ADCK1: variants seen among roughly 807,000 people sequenced by gnomAD.
ADCK1 encodes the protein aarF domain-containing protein kinase 1.
ADCK1 carries 41 observed loss-of-function variants against 52.3 expected under a neutral mutation model. The ratio of observed to expected loss-of-function variants is 0.78; its 90% CI spans 0.61 to 1.02. The LOEUF is 1.02. Ranked by LOEUF, ADCK1 falls within the 50% of genes least tolerant of loss-of-function variation. ADCK1 has a pLI of 0.00. For missense variants in ADCK1, 658 were observed against 679.5 expected (o/e 0.97, Z 0.35); for synonymous variants, 250 against 274.6 (o/e 0.91, Z 0.89).
intron 3 of ADCK1, among the ~76,000 whole-genome samples, chr14:77,856,865 G>A (rs1594948619): frequency 6.6e-6 from 1 of 152,262 alleles, no homozygotes; most frequent in East Asian, 1.9e-4. Flanking sequence ...TTATCCGGGT[G>A]TGGTGGTATG....
chr14:77,907,782 A>ACC (rs758565964), intron 6 of ADCK1, 21 bp from the exon 7 acceptor site: 13 of 1,592,700 alleles, frequency 8.2e-6, no homozygotes, highest in Non-Finnish European at 1.1e-5. Flanking sequence ...AGACCATCTG[A>ACC]CCTGTCCCTT....
At position 77,858,519 on chromosome 14, in the gene ADCK1, C is replaced by G. The variant is rs575865642; in HGVS notation, c.220-557C>G. 5.3e-5 allele frequency among the ~76,000 whole-genome samples: 8 copies of G among 152,208 alleles called. No homozygotes were observed. The South Asian group carries it at 1.0e-3, about 20-fold the overall frequency. On this transcript the variant is annotated intron_variant, in intron 3 of 10. Transcript: ENST00000238561. ...CCTCCCAAAGTGTTGGGATTACAAG[C>G]GTGAGCCACCGCGCCTGGCCTAGTG...
At chr14:77,871,449 C>T (rs991852339) in intron 4 of ADCK1, among the ~76,000 whole-genome samples, 1 of 152,128 alleles carries the variant, frequency 6.6e-6, no homozygotes, top group Admixed American at 6.5e-5. Flanking sequence ...CCTTTGCCTC[C>T]CGGGTTCAAG....
chr14:77,914,326 G>C, intron 7 of ADCK1: 2 of 788,774 alleles, frequency 2.5e-6, no homozygotes, highest in Non-Finnish European at 3.1e-6. Context: ...TCACTTTAGT[G>C]GGGTTCGTGA....
chr14:77,887,326 G>T (rs1184402806), intron 5 of ADCK1, 77 bp downstream of exon 5: 1 of 1,440,508 alleles, frequency 6.9e-7, no homozygotes, highest in Non-Finnish European at 9.2e-7. Context: ...GGTGGAACTG[G>T]TTCAAGCTGG....
At chr14:77,863,507 A>G (rs376935061) in intron 4 of ADCK1, among the ~76,000 whole-genome samples, 2 of 152,222 alleles carry the variant, frequency 1.3e-5, no homozygotes, top group East Asian at 1.9e-4. Flanking sequence ...CCCCCATGAC[A>G]TACAGACAAG....
At chr14:77,847,031 G>A (rs2082185349) in intron 3 of ADCK1, among the ~76,000 whole-genome samples, 1 of 152,200 alleles carries the variant, frequency 6.6e-6, no homozygotes, top group African/African-American at 2.4e-5. Flanking sequence ...ACGGAGAATG[G>A]GTCAAGTCAG....
intron 4 of ADCK1, among the ~76,000 whole-genome samples, chr14:77,879,155 A>G (rs1459961928): frequency 6.6e-6 from 1 of 152,154 alleles, no homozygotes; most frequent in African/African-American, 2.4e-5. Context: ...TGGAGGGCCC[A>G]AGGTTCCCTC....
chr14:77,897,988 C>T (rs1332576135), intron 5 of ADCK1, among the ~76,000 whole-genome samples: 1 of 152,090 alleles, frequency 6.6e-6, no homozygotes, highest in African/African-American at 2.4e-5. Flanking sequence ...GCCTCAAATT[C>T]CTCATCTATA....
intron 6 of ADCK1, among the ~76,000 whole-genome samples, chr14:77,904,476 C>G (rs1270685729): frequency 1.3e-5 from 2 of 152,226 alleles, no homozygotes; most frequent in Non-Finnish European, 2.9e-5. Context: ...GACTCAGGCT[C>G]CAGGAGGACT....
intron 4 of ADCK1, among the ~76,000 whole-genome samples, chr14:77,879,951 C>G (rs1317173864): frequency 1.3e-5 from 2 of 152,136 alleles, no homozygotes; most frequent in Non-Finnish European, 2.9e-5. Flanking sequence ...TTTCATATGA[C>G]CCTATGAGGT....
At chr14:77,852,539 A>G (rs2082305172) in intron 3 of ADCK1, among the ~76,000 whole-genome samples, 1 of 150,624 alleles carries the variant, frequency 6.6e-6, no homozygotes, top group African/African-American at 2.4e-5. Flanking sequence ...TAAAAATATT[A>G]TGTAGCTTTC....
chr14:77,917,727 T>C (rs906776543), intron 7 of ADCK1, among the ~76,000 whole-genome samples: 10 of 152,232 alleles, frequency 6.6e-5, no homozygotes, highest in African/African-American at 2.4e-4. Context: ...GACTTTTTTT[T>C]CCTAAATGGC....
At chr14:77,853,779 C>T (rs895561500) in intron 3 of ADCK1, among the ~76,000 whole-genome samples, 2 of 152,116 alleles carry the variant, frequency 1.3e-5, no homozygotes, top group Admixed American at 6.6e-5. Flanking sequence ...GCTGTATATG[C>T]GGTGGGGTCT....
intron 3 of ADCK1, among the ~76,000 whole-genome samples, chr14:77,831,498 G>A (rs1024525799): frequency 6.6e-6 from 1 of 152,184 alleles, no homozygotes; most frequent in Non-Finnish European, 1.5e-5. Flanking sequence ...GGAACATAGG[G>A]TGTTTTGGGT....
chr14:77,874,486 TG>T (rs2082854663), intron 4 of ADCK1, among the ~76,000 whole-genome samples: 1 of 152,088 alleles, frequency 6.6e-6, no homozygotes, highest in Non-Finnish European at 1.5e-5. Flanking sequence ...AAGTCCTTTA[TG>T]GTGTCACCTG....
At position 77,933,560 on chromosome 14, in the gene ADCK1, C is replaced by T; in HGVS notation, c.*169C>T. The T allele has an allele frequency of 1.3e-6, 1 of 753,968 alleles. No homozygotes were observed. Among genetic ancestry groups the T allele is most frequent in the Non-Finnish European group, 2.1e-6 (1 of 470,116 alleles). The allele number at this position is 753,968 out of a possible 1,614,324, so 46.7% of individuals were successfully genotyped here. On this transcript the variant is annotated 3_prime_UTR_variant, in exon 11 of 11. Transcript: ENST00000238561. Reference sequence around the variant, plus strand: ...GGAATCCTCTCCGCACACTGTGGCCCTTGTCTCAGGGCCCACAAGCTGAAC... The same window carrying T: ...GGAATCCTCTCCGCACACTGTGGCCTTTGTCTCAGGGCCCACAAGCTGAAC...
chr14:77,807,671 G>A (rs1032934369), intron 1 of ADCK1, among the ~76,000 whole-genome samples: 2 of 151,884 alleles, frequency 1.3e-5, no homozygotes, highest in East Asian at 1.9e-4. Context: ...CACCACGCCC[G>A]GCTAATTTTG....
intron 1 of ADCK1, among the ~76,000 whole-genome samples, chr14:77,800,376 T>C (rs1398500323): frequency 6.6e-6 from 1 of 152,166 alleles, no homozygotes; most frequent in East Asian, 1.9e-4. Flanking sequence ...GTGGCTCGGG[T>C]GACTCGCATT....
Sources: gnomAD v4.1 joint callset for allele counts (sites outside exome capture counted in the v4.1 genomes callset) on GRCh38, gnomAD v4.1.1 for gene constraint, MANE v1.5 for transcripts, NCBI Gene and HGNC (gene_info 2026-07-23, HGNC 2026-07-21) for gene names.